Variants in ANO4 observed in about 807,000 individuals in gnomAD.
ANO4 encodes anoctamin 4.
ANO4 carries 69 observed loss-of-function variants against 141.9 expected under a neutral mutation model. That is an observed-to-expected ratio of 0.49 (90% CI 0.40 to 0.59). The LOEUF (loss-of-function observed/expected upper bound fraction) is 0.59, where lower values mean the gene tolerates loss of function less well. ANO4 is among the 20% of genes least tolerant of loss of function. The pLI, the probability that ANO4 is intolerant of heterozygous loss-of-function variation, is 0.00. For missense variants in ANO4, 894 were observed against 1,162.2 expected, an observed-to-expected ratio of 0.77 and a Z score of 3.36; for synonymous variants, 350 against 394.3, an observed-to-expected ratio of 0.89 and a Z score of 1.33.
chr12:101,096,212 G>T (rs1285127656), intron 18 of ANO4, among the ~76,000 whole-genome samples: 1 of 152,214 alleles, frequency 6.6e-6, no homozygotes, highest in African/African-American at 2.4e-5. Flanking sequence ...AGAGAGCCAC[G>T]ACTGGGAATG....
At chr12:101,033,679 G>T (rs555329088) in intron 9 of ANO4, among the ~76,000 whole-genome samples, 3 of 152,226 alleles carry the variant, frequency 2.0e-5, no homozygotes, top group Admixed American at 1.3e-4. Flanking sequence ...CACAGCAAAA[G>T]AAACTATCAT....
At chr12:100,957,101 G>A (rs71464248) in intron 5 of ANO4, among the ~76,000 whole-genome samples, 15,226 of 152,158 alleles carry the variant, frequency 0.1, 1,080 homozygotes, top group East Asian at 0.4. Context: ...ACCTGAGATG[G>A]GGTAATTTAT....
Position 101,036,794 on chromosome 12 carries a change from GTTAA to G in ANO4, c.842-295_842-292del, listed in dbSNP as rs761605808. On this transcript the variant is annotated intron_variant, in intron 9 of 27. Transcript: ENST00000392977. The stretch of plus-strand genomic sequence containing the variant: ...GTACAGCATGGGTGGAGATAGATGT[GTTAA>G]TTAATGTGATTGTGGTAATCATTAC... 7.2e-5 allele frequency among the ~76,000 whole-genome samples: 11 copies of G among 152,286 alleles called. No homozygotes were observed. In the South Asian group the frequency reaches 1.2e-3, roughly 17 times the overall value.
At chr12:101,068,472 C>A in intron 14 of ANO4, 1 of 953,762 alleles carries the variant, frequency 1.0e-6, no homozygotes, top group Non-Finnish European at 1.7e-6. Context: ...TAGTGGCTTT[C>A]TTCTCACCCT....
chr12:100,876,934 G>A (rs1026485228), intron 1 of ANO4, among the ~76,000 whole-genome samples: 4 of 152,038 alleles, frequency 2.6e-5, no homozygotes, highest in East Asian at 1.9e-4. Flanking sequence ...TTGGTTGTTC[G>A]GGATCTAAAA....
chr12:100,887,919 G>A (rs535152275), intron 1 of ANO4, among the ~76,000 whole-genome samples: 1 of 152,264 alleles, frequency 6.6e-6, no homozygotes, highest in African/African-American at 2.4e-5. Flanking sequence ...TTGTGCCTAA[G>A]TCCACAGAAC....
At chr12:100,973,031 T>A (rs768674058) in intron 6 of ANO4, among the ~76,000 whole-genome samples, 1 of 152,246 alleles carries the variant, frequency 6.6e-6, no homozygotes, top group Non-Finnish European at 1.5e-5. Context: ...TGAGAGAATG[T>A]GAACCAAGCA....
chr12:100,809,917 C>A (rs191338928), intron 1 of ANO4, among the ~76,000 whole-genome samples: 1 of 152,092 alleles, frequency 6.6e-6, no homozygotes, highest in Admixed American at 6.5e-5. Flanking sequence ...TGACAGAGAG[C>A]CCCTATGGAA....
At chr12:101,052,039 A>G (rs530880886) in intron 14 of ANO4, among the ~76,000 whole-genome samples, 8 of 152,302 alleles carry the variant, frequency 5.3e-5, no homozygotes, top group African/African-American at 1.7e-4. Flanking sequence ...AGCTGATGAG[A>G]ACAGATGTAA....
At chr12:100,787,219 C>T (rs566599175) in intron 3 of ANO4, among the ~76,000 whole-genome samples, 1 of 125,088 alleles carries the variant, frequency 8.0e-6, no homozygotes, top group Admixed American at 8.1e-5. Context: ...TGGGGACATG[C>T]AGATGGACTG....
chr12:100,834,689 A>C (rs937930853), intron 1 of ANO4, among the ~76,000 whole-genome samples: 2 of 152,106 alleles, frequency 1.3e-5, no homozygotes, highest in African/African-American at 4.8e-5. Context: ...AGCTTGTATT[A>C]GTGATGTGTG....
chr12:101,111,432 T>G (rs2050659769), intron 23 of ANO4, 131 bp from the exon 24 acceptor site: 8 of 796,608 alleles, frequency 1.0e-5, no homozygotes, highest in African/African-American at 3.6e-5. Flanking sequence ...TTCCTCCTGG[T>G]TGCAACTGTC....
At chr12:100,759,772 G>A (rs1174337114) in intron 3 of ANO4, among the ~76,000 whole-genome samples, 2 of 152,226 alleles carry the variant, frequency 1.3e-5, no homozygotes, top group Admixed American at 1.3e-4. Context: ...AACACCCAGT[G>A]TCTATTGCTA....
At chr12:100,871,780 T>C (rs186540226) in intron 1 of ANO4, among the ~76,000 whole-genome samples, 2 of 152,220 alleles carry the variant, frequency 1.3e-5, no homozygotes, top group Admixed American at 1.3e-4. Flanking sequence ...CTCTCTGGAG[T>C]CTCTTTTATA....
intron 22 of ANO4, 21 bp downstream of exon 22, chr12:101,099,741 A>G (rs1165005952): frequency 6.6e-7 from 1 of 1,513,390 alleles, no homozygotes; most frequent in Non-Finnish European, 8.8e-7. Flanking sequence ...ATTCTACTTT[A>G]TCTTATTAAT....
intron 5 of ANO4, among the ~76,000 whole-genome samples, chr12:100,967,581 AC>A (rs1167610773): frequency 9.4e-4 from 105 of 111,498 alleles, no homozygotes; most frequent in African/African-American, 3.8e-3. Context: ...ACACACACAC[AC>A]ACACACACAC....
intron 8 of ANO4, among the ~76,000 whole-genome samples, chr12:101,015,668 T>C (rs2046287657): frequency 6.6e-6 from 1 of 152,162 alleles, no homozygotes; most frequent in Non-Finnish European, 1.5e-5. Context: ...AGTGAAGATA[T>C]ATGCGTAGTT....
At chr12:101,089,477 C>T (rs1417071882) in intron 17 of ANO4, among the ~76,000 whole-genome samples, 1 of 152,052 alleles carries the variant, frequency 6.6e-6, no homozygotes, top group Non-Finnish European at 1.5e-5. Context: ...GACCCCCCAC[C>T]AGGACTCGGT....
At chr12:101,023,794 C>A (rs1424484856) in intron 9 of ANO4, among the ~76,000 whole-genome samples, 1 of 152,142 alleles carries the variant, frequency 6.6e-6, no homozygotes, top group Non-Finnish European at 1.5e-5. Flanking sequence ...AAACATGGAG[C>A]AAAACTACTA....
Sources: gnomAD v4.1 joint callset for allele counts (sites outside exome capture counted in the v4.1 genomes callset) on GRCh38, gnomAD v4.1.1 for gene constraint, MANE v1.5 for transcripts, NCBI Gene and HGNC (gene_info 2026-07-23, HGNC 2026-07-21) for gene names.